Variants in MARCHF7 observed in about 807,000 individuals in gnomAD.
MARCHF7 encodes the protein membrane associated ring-CH-type finger 7, also known as E3 ubiquitin-protein ligase MARCHF7.
MARCHF7 carries 20 observed loss-of-function variants against 76.5 expected under a neutral mutation model. That is an observed-to-expected ratio of 0.26 (90% CI 0.18 to 0.38). The LOEUF (loss-of-function observed/expected upper bound fraction) is 0.38. MARCHF7 is among the 10% of genes least tolerant of loss of function. MARCHF7 has a pLI of 1.00. For synonymous variants in MARCHF7, 295 were observed against 293.0 expected (o/e 1.01, Z -0.07); for missense variants, 797 against 812.9 (o/e 0.98, Z 0.24).
intron 6 of MARCHF7, among the ~76,000 whole-genome samples, chr2:159,747,347 T>C (rs1332997559): frequency 4.6e-5 from 7 of 152,206 alleles, no homozygotes; most frequent in African/African-American, 1.7e-4. Context: ...TTAAAACAGC[T>C]TTTTAATTTA....
chr2:159,729,931 T>G (rs1702583866), intron 4 of MARCHF7, among the ~76,000 whole-genome samples: 1 of 152,250 alleles, frequency 6.6e-6, no homozygotes, highest in Non-Finnish European at 1.5e-5. Context: ...TGAATAATTT[T>G]TAAATTAACA....
chr2:159,753,498 C>G (rs537320712), intron 8 of MARCHF7, among the ~76,000 whole-genome samples: 7 of 151,850 alleles, frequency 4.6e-5, no homozygotes, highest in Non-Finnish European at 8.8e-5. Flanking sequence ...TTGCAGTGAG[C>G]CGAGATTGCG....
At chr2:159,733,937 T>A (rs1703132002) in intron 4 of MARCHF7, 1 of 1,246,950 alleles carries the variant, frequency 8.0e-7, no homozygotes, top group South Asian at 3.6e-5. Flanking sequence ...AACAGTTGAT[T>A]TCCTAAATAT....
intron 9 of MARCHF7, among the ~76,000 whole-genome samples, chr2:159,762,578 TAATGA>T (rs962867317): frequency 3.9e-5 from 6 of 152,252 alleles, no homozygotes; most frequent in African/African-American, 1.4e-4. Flanking sequence ...GCCATTTGTA[TAATGA>T]AATCTATGAG....
chr2:159,716,065 A>G (rs1449126826), intron 3 of MARCHF7, among the ~76,000 whole-genome samples: 2 of 151,826 alleles, frequency 1.3e-5, no homozygotes, highest in Non-Finnish European at 2.9e-5. Flanking sequence ...GCTTTTTTCT[A>G]ATTTTTTAAG....
At chr2:159,732,930 A>ATC (rs1702991051) in intron 4 of MARCHF7, 4 of 982,852 alleles carry the variant, frequency 4.1e-6, no homozygotes, top group Middle Eastern at 5.2e-4. Context: ...GATGAACAAG[A>ATC]TTGTTCATCT....
chr2:159,732,119 C>CAA (rs1487289276), intron 4 of MARCHF7, among the ~76,000 whole-genome samples: 3 of 151,562 alleles, frequency 2.0e-5, no homozygotes, highest in Admixed American at 1.3e-4. Flanking sequence ...AAACAAAAAA[C>CAA]AAAAAACAAA....
chr2:159,740,984 C>T (rs553291110), intron 4 of MARCHF7, among the ~76,000 whole-genome samples: 1 of 152,100 alleles, frequency 6.6e-6, no homozygotes, highest in East Asian at 1.9e-4. Context: ...TCAAAACAAG[C>T]TTGGGCAACA....
chr2:159,747,015 T>C (rs1051097513), intron 6 of MARCHF7, among the ~76,000 whole-genome samples: 11 of 152,202 alleles, frequency 7.2e-5, no homozygotes, highest in African/African-American at 1.9e-4. Flanking sequence ...ATTTACCCTT[T>C]CATAAAGCTC....
At chr2:159,718,026 A>C (rs138062425) in intron 3 of MARCHF7, among the ~76,000 whole-genome samples, 87 of 152,378 alleles carry the variant, frequency 5.7e-4, no homozygotes, top group Non-Finnish European at 3.1e-4. Flanking sequence ...GAAAACCTTC[A>C]TGCTGATGGT....
chr2:159,763,450 A>G (rs1162663977), intron 10 of MARCHF7, among the ~76,000 whole-genome samples: 1 of 152,216 alleles, frequency 6.6e-6, no homozygotes, highest in Non-Finnish European at 1.5e-5. Flanking sequence ...AGTATTTTAG[A>G]TATGGAATAG....
chr2:159,743,572 TCTA>T (rs989927835), intron 5 of MARCHF7, among the ~76,000 whole-genome samples: 38 of 152,322 alleles, frequency 2.5e-4, no homozygotes, highest in African/African-American at 8.9e-4. Flanking sequence ...GAAAGCTAAA[TCTA>T]CTGATATGTT....
chr2:159,714,679 TC>T (rs1700831600), intron 2 of MARCHF7, 81 bp downstream of exon 2: 1 of 152,302 alleles, frequency 6.6e-6, no homozygotes, highest in South Asian at 2.1e-4. Context: ...ACTCCTGTAA[TC>T]CCGTCACTTT....
At chr2:159,765,840 G>A (rs1707701946) in intron 11 of MARCHF7, among the ~76,000 whole-genome samples, 1 of 152,084 alleles carries the variant, frequency 6.6e-6, no homozygotes, top group South Asian at 2.1e-4. Flanking sequence ...AATTCACTTG[G>A]TATAAAATTT....
Position 159,762,841 on chromosome 2 carries a change from CTG to C in MARCHF7, c.1894-37_1894-36del, listed in dbSNP as rs1476333925. On this transcript the variant is annotated intron_variant, in intron 9 of 11. Transcript: ENST00000409175. Reference sequence around the variant, plus strand: ...CTCAATTCTACTAATTTTTCATTCTCTGTATTTTTCTTTTCTCCTGTTTGCTT... The same window carrying C: ...CTCAATTCTACTAATTTTTCATTCTCTATTTTTCTTTTCTCCTGTTTGCTT... 5.6e-6 allele frequency: 7 copies of C among 1,242,226 alleles called. No homozygotes were observed. The African/African-American group carries it at 6.0e-5, about 11-fold the overall frequency. The allele number at this position is 1,242,226 out of a possible 1,614,324, so 77.0% of individuals were successfully genotyped here.
At chr2:159,713,025 C>T (rs975431663) in intron 1 of MARCHF7, among the ~76,000 whole-genome samples, 2 of 152,224 alleles carry the variant, frequency 1.3e-5, no homozygotes, top group African/African-American at 4.8e-5. Context: ...GGGTGTCGCG[C>T]GTGAGCTCGC....
intron 4 of MARCHF7, among the ~76,000 whole-genome samples, chr2:159,734,350 G>T (rs1325760154): frequency 6.6e-6 from 1 of 151,570 alleles, no homozygotes; most frequent in Middle Eastern, 3.4e-3. Context: ...GTAGATAACT[G>T]CTATAGAGAT....
chr2:159,743,273 G>A lies in MARCHF7; in HGVS notation c.346+20G>A, dbSNP rs769629758. 6.3e-7 allele frequency: 1 copy of A among 1,599,504 alleles called. No individual in the cohort carries two copies. Among genetic ancestry groups the A allele is most frequent in the South Asian group, 1.1e-5 (1 of 89,550 alleles). ...TATCAGGTAAGAATGAGTTTCTGTA[G>A]GTATTTTAAGCCGTTTTTCTCCAGG... On this transcript the variant is annotated intron_variant, in intron 5 of 11. Coordinates refer to ENST00000409175, the MANE Select transcript of MARCHF7 (RefSeq NM_001282805.2).
chr2:159,719,572 C>T (rs1455890971), intron 3 of MARCHF7, among the ~76,000 whole-genome samples: 1 of 152,148 alleles, frequency 6.6e-6, no homozygotes, highest in East Asian at 1.9e-4. Context: ...CATGTCTCTT[C>T]CCGTAATGAT....
Sources: allele counts gnomAD v4.1 joint callset (sites outside exome capture counted in the v4.1 genomes callset), GRCh38; gene constraint gnomAD v4.1.1; transcripts MANE v1.5; gene names NCBI Gene and HGNC (gene_info 2026-07-23, HGNC 2026-07-21).